The following DIAPH3 variants were observed in gnomAD, a reference collection of about 807,000 sequenced individuals.
DIAPH3 encodes diaphanous related formin 3.
In DIAPH3, 117 loss-of-function variants were observed where a neutral mutation model predicts 144.3. The ratio of observed to expected loss-of-function variants is 0.81; its 90% CI spans 0.70 to 0.95. The LOEUF (loss-of-function observed/expected upper bound fraction) is 0.95, where lower values mean the gene tolerates loss of function less well. DIAPH3 is among the 40% of genes least tolerant of loss of function. The pLI is 0.00. For synonymous variants in DIAPH3, 519 were observed against 488.9 expected, an observed-to-expected ratio of 1.06 and a Z score of -0.81; for missense variants, 1,421 against 1,412.7, an observed-to-expected ratio of 1.01 and a Z score of -0.09.
intron 7 of DIAPH3, chr13:60,012,934 ACTC>A (rs1456592682): frequency 4.0e-5 from 37 of 918,928 alleles, no homozygotes; most frequent in Non-Finnish European, 4.5e-5. Context: ...AATTACTACT[ACTC>A]AGTATCTATA....
chr13:59,791,492 G>T (rs567497238), intron 25 of DIAPH3, among the ~76,000 whole-genome samples: 52 of 152,188 alleles, frequency 3.4e-4, no homozygotes, highest in African/African-American at 1.2e-3. Context: ...AGCTCAAAAA[G>T]GTAAAGTAAG....
At chr13:59,696,214 A>C (rs1301161438) in intron 27 of DIAPH3, 7 of 152,242 alleles carry the variant, frequency 4.6e-5, no homozygotes, top group African/African-American at 1.4e-4. Flanking sequence ...TCAAAATGGC[A>C]TGTTACTGAA....
At chr13:60,024,599 T>A (rs138163351) in intron 5 of DIAPH3, among the ~76,000 whole-genome samples, 1 of 152,382 alleles carries the variant, frequency 6.6e-6, no homozygotes, top group African/African-American at 2.4e-5. Flanking sequence ...CTCTGTCATA[T>A]CAGTGTGTCA....
intron 2 of DIAPH3, among the ~76,000 whole-genome samples, chr13:60,114,207 C>T (rs144481361): frequency 1.3e-3 from 183 of 144,820 alleles, no homozygotes; most frequent in Non-Finnish European, 1.6e-3. Context: ...TTTCCTGAAA[C>T]GATATAATGA....
Position 60,008,590 on chromosome 13 carries a change from A to T in DIAPH3, c.968T>A (p.Phe323Tyr). 1 of 1,613,780 alleles carries T rather than the reference A, an allele frequency of 6.2e-7. No homozygotes were observed. Among genetic ancestry groups the T allele is most frequent in the Non-Finnish European group, 8.5e-7 (1 of 1,179,886 alleles). The change falls in exon 9 of 28, where the codon TTT (phenylalanine) becomes TAT (tyrosine). Residue 323 changes from phenylalanine to tyrosine, a missense_variant. By Grantham distance (22) the Phe-to-Tyr change is conservative (BLOSUM62 3). Transcript: ENST00000400324. ...CCGGAGGCCTTCCACAATACAAAAA[A>T]ATCTGTCAATTTTTTTTTCTTCACC... is the stretch of plus-strand genomic sequence containing the variant. ...SAGEEKKIDRFFCIVEGLRHN... is the reference protein window; with the variant it reads ...SAGEEKKIDRYFCIVEGLRHN...
intron 23 of DIAPH3, chr13:59,838,594 C>T (rs2042164307): frequency 6.6e-6 from 1 of 152,082 alleles, no homozygotes; most frequent in African/African-American, 2.4e-5. Flanking sequence ...GTTAAGCTGA[C>T]TAGTTAAACA....
At position 59,970,068 on chromosome 13, in the gene DIAPH3, G is replaced by C; in HGVS notation, c.1960-10C>G. ...TTTCATGAGGTCTGATCTACAATCA[G>C]AGAGAAGACTGATTCATCAATAGGT... On this transcript the variant is annotated splice_polypyrimidine_tract_variant and intron_variant, in intron 16 of 27. Transcript: ENST00000400324. 6.6e-7 allele frequency: 1 copy of C among 1,511,638 alleles called. No individual in the cohort carries two copies. Among genetic ancestry groups the C allele is most frequent in the Non-Finnish European group, 9.1e-7 (1 of 1,094,996 alleles). 93.6% of individuals were successfully genotyped at this position (1,511,638 alleles called of 1,614,324 possible).
At chr13:59,681,878 C>A (rs1275938230) in intron 27 of DIAPH3, among the ~76,000 whole-genome samples, 2 of 152,152 alleles carry the variant, frequency 1.3e-5, no homozygotes, top group African/African-American at 4.8e-5. Context: ...AACTATAGCA[C>A]TTTAATAACA....
At position 59,879,435 on chromosome 13, in the gene DIAPH3, T is replaced by C. The variant is rs1213603917; in HGVS notation, c.2401A>G (p.Ser801Gly). The C allele has an allele frequency of 6.2e-6, 10 of 1,613,694 alleles. No homozygotes were observed. Among genetic ancestry groups the C allele is most frequent in the Admixed American group, 1.7e-5 (1 of 59,950 alleles). ...AACTGAAGCTTAAAGAGAATAGCAC[T>C]GAGCCGTGGCCGTAGTCTCTTCACA... The part of the protein sequence containing the change: ...SNVKRLRPRL[S>G]AILFKLQFEE... The change falls in exon 21 of 28, where the codon AGT (serine) becomes GGT (glycine). Residue 801 changes from serine to glycine, a missense_variant. Transcript: ENST00000400324.
chr13:59,934,810 A>G (rs1029447767), intron 17 of DIAPH3, among the ~76,000 whole-genome samples: 1 of 152,150 alleles, frequency 6.6e-6, no homozygotes, highest in Non-Finnish European at 1.5e-5. Flanking sequence ...CCTCTGGGAC[A>G]TGGAATTTGC....
Position 60,131,435 on chromosome 13 carries a change from CAAAAAAA to C in DIAPH3, c.213+1515_213+1521del, listed in dbSNP as rs777909368. 8.0e-3 allele frequency among the ~76,000 whole-genome samples: 234 copies of C among 29,296 alleles called. 1 individual carries two copies. Among genetic ancestry groups the C allele is most frequent in the African/African-American group, 0.019 (211 of 10,834 alleles). 19.2% of individuals were successfully genotyped at this position (29,296 alleles called of 152,430 possible). A position where few individuals can be genotyped will look rare whatever the true frequency, so the allele number is the denominator to read the frequency against. ...TGGACAACAGAGCGAGACCCTGTCTCAAAAAAAAAAAAAAAAAAAAAAAAACAAATGA... is the reference window on the plus strand; with the variant it reads ...TGGACAACAGAGCGAGACCCTGTCTCAAAAAAAAAAAAAAAAAACAAATGA... On this transcript the variant is annotated intron_variant, in intron 2 of 27. Transcript: ENST00000400324.
chr13:59,850,931 G>T (rs879269209), intron 22 of DIAPH3, among the ~76,000 whole-genome samples: 1 of 147,026 alleles, frequency 6.8e-6, no homozygotes, highest in Non-Finnish European at 1.5e-5. Flanking sequence ...ATTCACAGCC[G>T]AATTCTACCA....
chr13:59,675,167 G>C (rs952338472), intron 27 of DIAPH3, among the ~76,000 whole-genome samples: 3 of 152,124 alleles, frequency 2.0e-5, no homozygotes, highest in African/African-American at 7.2e-5. Context: ...CTGGGCTCAA[G>C]GTATCCTCTT....
At chr13:59,835,487 G>T (rs1428316979) in intron 23 of DIAPH3, among the ~76,000 whole-genome samples, 1 of 151,738 alleles carries the variant, frequency 6.6e-6, no homozygotes, top group African/African-American at 2.4e-5. Flanking sequence ...TGTCCATTGG[G>T]TAGTACTCCC....
intron 22 of DIAPH3, among the ~76,000 whole-genome samples, chr13:59,846,774 T>G (rs1349626769): frequency 6.6e-6 from 1 of 152,144 alleles, no homozygotes; most frequent in African/African-American, 2.4e-5. Context: ...CAGGCAAAGA[T>G]AAATTGAAAG....
At chr13:59,866,471 T>G (rs1341799921) in intron 21 of DIAPH3, among the ~76,000 whole-genome samples, 1 of 152,004 alleles carries the variant, frequency 6.6e-6, no homozygotes, top group Non-Finnish European at 1.5e-5. Context: ...AGAGCACTAA[T>G]GCAATGTAAA....
At chr13:59,678,617 C>A (rs554305031) in intron 27 of DIAPH3, among the ~76,000 whole-genome samples, 1 of 152,114 alleles carries the variant, frequency 6.6e-6, no homozygotes, top group African/African-American at 2.4e-5. Flanking sequence ...TTTTTCCATT[C>A]CGAAAAAGAA....
Position 60,098,142 on chromosome 13 carries a change from C to T in DIAPH3, c.391-4410G>A, listed in dbSNP as rs567247836. The stretch of plus-strand genomic sequence containing the variant: ...TTAGTTTATATTTCCTCAAAATTAT[C>T]ATGTTGTATCTCCATTATCTAAGGT... On this transcript the variant is annotated intron_variant, in intron 3 of 27. Transcript: ENST00000400324. Among the ~76,000 whole-genome samples, 100 of 152,216 alleles carry T rather than the reference C, an allele frequency of 6.6e-4. 3 individuals carry two copies. In the South Asian group the frequency reaches 0.021, roughly 31 times the overall value.
chr13:59,824,234 T>A (rs1371260228), intron 24 of DIAPH3, among the ~76,000 whole-genome samples: 1 of 152,224 alleles, frequency 6.6e-6, no homozygotes, highest in Non-Finnish European at 1.5e-5. Context: ...TGTACTTCTA[T>A]TATTTGTACA....
Sources: allele counts gnomAD v4.1 joint callset (sites outside exome capture counted in the v4.1 genomes callset), GRCh38; gene constraint gnomAD v4.1.1; transcripts MANE v1.5; gene names NCBI Gene and HGNC (gene_info 2026-07-23, HGNC 2026-07-21).